Variants in CAPRIN2 observed in about 807,000 individuals in gnomAD.
CAPRIN2 encodes caprin-2.
A neutral mutation model predicts 130.4 loss-of-function variants in CAPRIN2; 66 were observed. That is an observed-to-expected ratio of 0.51 (90% CI 0.42 to 0.62). CAPRIN2 has a LOEUF of 0.62. Among genes scored for constraint, CAPRIN2 ranks in the 20% least tolerant of loss-of-function variants. The pLI is 0.00. For missense variants in CAPRIN2, 1,185 were observed against 1,246.6 expected, an observed-to-expected ratio of 0.95 and a Z score of 0.74; for synonymous variants, 471 against 444.1, an observed-to-expected ratio of 1.06 and a Z score of -0.76.
chr12:30,754,660 A>C (rs1485346), upstream of CAPRIN2: 17,381 of 150,822 alleles, frequency 0.12, 1,174 homozygotes, highest in African/African-American at 0.18. Context: ...TCCACCTCGC[A>C]GCGGCGCCGG....
In CAPRIN2 at chr12:30,728,551, T is replaced by C. The variant is rs148817733; in HGVS notation, c.1782+97A>G. On this transcript the variant is annotated intron_variant, in intron 8 of 16. Transcript: ENST00000298892. ...GCCTGGGTAACAGAGTGTTTCTCCA[T>C]CTCAAAAAAAAAAAAAAAAGAGAAC... 7.8e-4 allele frequency: 679 copies of C among 871,330 alleles called. 3 individuals are homozygous for C. The African/African-American group carries it at 0.012, about 15-fold the overall frequency. 54.0% of individuals were successfully genotyped at this position (871,330 alleles called of 1,614,324 possible).
At chr12:30,734,433 T>C (rs2063759656) in intron 4 of CAPRIN2, among the ~76,000 whole-genome samples, 1 of 152,084 alleles carries the variant, frequency 6.6e-6, no homozygotes, top group African/African-American at 2.4e-5. Flanking sequence ...GGAAAAAAAA[T>C]CAGACAGCCC....
intron 8 of CAPRIN2, among the ~76,000 whole-genome samples, chr12:30,728,224 G>C (rs929896460): frequency 5.3e-5 from 8 of 151,928 alleles, no homozygotes; most frequent in Non-Finnish European, 1.2e-4. Flanking sequence ...CACTAAAGAG[G>C]GTGAAATATT....
intron 12 of CAPRIN2, chr12:30,720,584 G>T: frequency 3.0e-6 from 1 of 337,762 alleles, no homozygotes; most frequent in Non-Finnish European, 5.4e-6. Context: ...ATTAAAAATG[G>T]ACATTTATTG....
chr12:30,718,983 C>T, intron 12 of CAPRIN2, 96 bp downstream of exon 14: 1 of 1,386,842 alleles, frequency 7.2e-7, no homozygotes, highest in Non-Finnish European at 9.7e-7. Flanking sequence ...TTACAAAAGG[C>T]AAACTTTTCA....
upstream of CAPRIN2, chr12:30,754,646 C>A (rs2075462142): frequency 6.6e-6 from 1 of 152,294 alleles, no homozygotes; most frequent in Admixed American, 6.6e-5. Context: ...TGCCAAGCCG[C>A]CCCTCCACCT....
chr12:30,724,717 G>A (rs865966853), intron 9 of CAPRIN2, among the ~76,000 whole-genome samples: 4 of 152,156 alleles, frequency 2.6e-5, no homozygotes, highest in Non-Finnish European at 4.4e-5. Context: ...TAGGCCGTGC[G>A]CAGTGGCTCA....
intron 1 of CAPRIN2, 54 bp downstream of exon 2, chr12:30,753,290 A>G: frequency 7.0e-7 from 1 of 1,434,806 alleles, no homozygotes; most frequent in Non-Finnish European, 9.4e-7. Context: ...GAAAAATGTC[A>G]GCTCCTTAAT....
chr12:30,742,228 A>T (rs878948780), intron 2 of CAPRIN2, among the ~76,000 whole-genome samples: 1 of 152,192 alleles, frequency 6.6e-6, no homozygotes, highest in African/African-American at 2.4e-5. Context: ...CTTTGTGTTA[A>T]GTATATTATA....
chr12:30,726,012 A>G, exon 9 of CAPRIN2: 1 of 1,603,440 alleles, frequency 6.2e-7, no homozygotes, highest in Non-Finnish European at 8.5e-7. Context: ...CAGATCCTGC[A>G]GTTTTTCTTT....
At position 30,721,018 on chromosome 12, in the gene CAPRIN2, C is replaced by T; in HGVS notation, c.2044-103G>A. On this transcript the variant is annotated intron_variant, in intron 11 of 16. Transcript: ENST00000298892. ...ATATGTTACTCTTACTGAACACGCA[C>T]ATGTGTCAAGCACTCTGCTAAACAC... The T allele has an allele frequency of 7.9e-6, 6 of 757,796 alleles. No individual in the cohort carries two copies. In the Middle Eastern group the frequency reaches 7.4e-4, roughly 94 times the overall value. The allele number at this position is 757,796 out of a possible 1,614,324, so 46.9% of individuals were successfully genotyped here.
At chr12:30,719,827 T>C (rs1325589172) in intron 12 of CAPRIN2, 1 of 152,216 alleles carries the variant, frequency 6.6e-6, no homozygotes. Context: ...CAATCACTTC[T>C]TCCTCTTCTT....
chr12:30,718,311 G>C (rs774216838), intron 12 of CAPRIN2, among the ~76,000 whole-genome samples: 1 of 152,176 alleles, frequency 6.6e-6, no homozygotes, highest in Non-Finnish European at 1.5e-5. Context: ...TATTCTAAGT[G>C]ATCAGGTGAG....
At chr12:30,717,101 A>C (rs1206401366) in intron 12 of CAPRIN2, among the ~76,000 whole-genome samples, 1 of 152,220 alleles carries the variant, frequency 6.6e-6, no homozygotes, top group Non-Finnish European at 1.5e-5. Context: ...ACCCAAAATA[A>C]CTGAAAGCAG....
At chr12:30,745,511 A>G (rs1371370416) in intron 2 of CAPRIN2, among the ~76,000 whole-genome samples, 1 of 152,164 alleles carries the variant, frequency 6.6e-6, no homozygotes, top group Non-Finnish European at 1.5e-5. Flanking sequence ...CAAGAGCCAT[A>G]TAGAACATTA....
intron 3 of CAPRIN2, among the ~76,000 whole-genome samples, chr12:30,736,352 G>A (rs751468890): frequency 2.7e-5 from 4 of 148,526 alleles, no homozygotes; most frequent in South Asian, 2.1e-4. Flanking sequence ...TGATTGTAAC[G>A]TTTCCATCAT....
chr12:30,744,831 T>C (rs12305697), intron 2 of CAPRIN2, among the ~76,000 whole-genome samples: 74,080 of 152,052 alleles, frequency 0.49, 18,593 homozygotes, highest in African/African-American at 0.56. Context: ...CTAGAGTAGA[T>C]ACTTAATATA....
chr12:30,722,359 GATCTT>G (rs1276942350), intron 11 of CAPRIN2, among the ~76,000 whole-genome samples: 1 of 152,128 alleles, frequency 6.6e-6, no homozygotes, highest in East Asian at 1.9e-4. Flanking sequence ...ACAGGTCTAA[GATCTT>G]ATCTAGAAAT....
At chr12:30,751,169 C>T in intron 1 of CAPRIN2, 36 bp from the exon 3 acceptor site, 1 of 1,542,592 alleles carries the variant, frequency 6.5e-7, no homozygotes, top group Non-Finnish European at 9.0e-7. Context: ...CATAGTCTGA[C>T]ATAAAATTCA....
Sources: allele counts gnomAD v4.1 joint callset (sites outside exome capture counted in the v4.1 genomes callset), GRCh38; gene constraint gnomAD v4.1.1; transcripts MANE v1.5; gene names NCBI Gene and HGNC (gene_info 2026-07-23, HGNC 2026-07-21).